Variants in LINGO2 observed in about 807,000 individuals in gnomAD.
The protein encoded by LINGO2 is leucine-rich repeat and immunoglobulin-like domain-containing nogo receptor-interacting protein 2.
LINGO2 carries 14 observed loss-of-function variants against 30.6 expected under a neutral mutation model. The observed-to-expected ratio is 0.46, with a 90% CI of 0.30 to 0.72. The LOEUF (loss-of-function observed/expected upper bound fraction) is 0.72. LINGO2 is among the 30% of genes least tolerant of loss of function. LINGO2 has a pLI of 0.07. For missense variants in LINGO2, 729 were observed against 751.7 expected (o/e 0.97, Z 0.35); for synonymous variants, 317 against 288.5 (o/e 1.10, Z -1.00).
At chr9:28,788,283 G>C in the LINGO2 span, among the ~76,000 whole-genome samples, 2 of 152,136 alleles carry the variant, frequency 1.3e-5, no homozygotes, top group East Asian at 3.9e-4. Context: ...ACACTACAGT[G>C]AACTGTGTCA....
chr9:28,756,275 C>A, the LINGO2 span, among the ~76,000 whole-genome samples: 68 of 152,034 alleles, frequency 4.5e-4, no homozygotes, highest in African/African-American at 1.5e-3. Flanking sequence ...TAGCATGGGG[C>A]CTGTAGTCCC....
the LINGO2 span, among the ~76,000 whole-genome samples, chr9:29,075,275 A>G: frequency 6.6e-6 from 1 of 152,178 alleles, no homozygotes; most frequent in Admixed American, 6.5e-5. Context: ...AAAAACTGCA[A>G]TTGTCCCCCT....
chr9:28,418,360 C>T (rs951785517), intron 2 of LINGO2, among the ~76,000 whole-genome samples: 2 of 148,766 alleles, frequency 1.3e-5, no homozygotes, highest in South Asian at 4.2e-4. Context: ...CTCACTGCAA[C>T]CTCTGTCTCC....
intron 1 of LINGO2, among the ~76,000 whole-genome samples, chr9:28,610,912 C>G (rs1825889536): frequency 6.6e-6 from 1 of 152,066 alleles, no homozygotes; most frequent in Non-Finnish European, 1.5e-5. Context: ...CCTTTGAAAT[C>G]TAAATTGTAT....
intron 3 of LINGO2, among the ~76,000 whole-genome samples, chr9:28,351,728 G>T (rs1449976335): frequency 6.6e-6 from 1 of 152,030 alleles, no homozygotes; most frequent in African/African-American, 2.4e-5. Context: ...TATCCTTGAT[G>T]AACATTGGTG....
the LINGO2 span, among the ~76,000 whole-genome samples, chr9:28,839,499 A>G: frequency 6.6e-6 from 1 of 152,114 alleles, no homozygotes; most frequent in Non-Finnish European, 1.5e-5. Context: ...AGAGGAGACC[A>G]GGAGTGGGTA....
the LINGO2 span, among the ~76,000 whole-genome samples, chr9:28,901,254 C>G: frequency 8.6e-5 from 13 of 151,912 alleles, 1 homozygote. Flanking sequence ...AAAGACTTTC[C>G]CAGACAAATA....
At chr9:28,687,720 A>T in the LINGO2 span, among the ~76,000 whole-genome samples, 1 of 152,126 alleles carries the variant, frequency 6.6e-6, no homozygotes, top group South Asian at 2.1e-4. Flanking sequence ...GCTCAATAAC[A>T]GTATGAAAAA....
intron 1 of LINGO2, among the ~76,000 whole-genome samples, chr9:28,495,243 G>C (rs1819561345): frequency 6.6e-6 from 1 of 152,078 alleles, no homozygotes; most frequent in Admixed American, 6.6e-5. Flanking sequence ...TGTCAATTTT[G>C]TCTTTTGTTG....
chr9:28,908,172 C>T, the LINGO2 span, among the ~76,000 whole-genome samples: 1 of 139,716 alleles, frequency 7.2e-6, no homozygotes, highest in Non-Finnish European at 1.6e-5. Flanking sequence ...CACACACACA[C>T]ATACAAAACT....
chr9:29,018,035 T>TATAG, the LINGO2 span, among the ~76,000 whole-genome samples: 60 of 142,766 alleles, frequency 4.2e-4, no homozygotes, highest in African/African-American at 1.4e-3. Flanking sequence ...TATATATATA[T>TATAG]AGAGAGAGAG....
At chr9:28,540,777 T>C (rs1821658578) in intron 1 of LINGO2, among the ~76,000 whole-genome samples, 1 of 152,192 alleles carries the variant, frequency 6.6e-6, no homozygotes, top group South Asian at 2.1e-4. Context: ...CTATAGAAGA[T>C]TAGATGTGTG....
At chr9:28,591,149 G>A (rs531811347) in intron 1 of LINGO2, among the ~76,000 whole-genome samples, 1 of 151,716 alleles carries the variant, frequency 6.6e-6, no homozygotes, top group Non-Finnish European at 1.5e-5. Flanking sequence ...CACACACTGG[G>A]GCCTGTTGTG....
At chr9:29,208,371 A>T in the LINGO2 span, among the ~76,000 whole-genome samples, 4 of 152,126 alleles carry the variant, frequency 2.6e-5, no homozygotes, top group Admixed American at 6.5e-5. Flanking sequence ...AAATGCCCAA[A>T]TGAACTTTTA....
intron 1 of LINGO2, among the ~76,000 whole-genome samples, chr9:28,635,638 C>CATAATTAT (rs1827223756): frequency 6.6e-6 from 1 of 151,770 alleles, no homozygotes; most frequent in African/African-American, 2.4e-5. Context: ...TAATTAATTA[C>CATAATTAT]TAAATAAGGT....
intron 2 of LINGO2, among the ~76,000 whole-genome samples, chr9:28,432,092 G>A (rs1040479106): frequency 1.3e-5 from 2 of 152,084 alleles, no homozygotes; most frequent in African/African-American, 4.8e-5. Context: ...CTCTATAAAA[G>A]CACTGTAGGG....
chr9:28,706,662 A>G, the LINGO2 span, among the ~76,000 whole-genome samples: 3 of 152,114 alleles, frequency 2.0e-5, no homozygotes, highest in South Asian at 6.2e-4. Flanking sequence ...TTCACATTGA[A>G]ATCTGTTGAA....
the LINGO2 span, among the ~76,000 whole-genome samples, chr9:28,937,535 G>GA: frequency 6.6e-5 from 10 of 152,276 alleles, no homozygotes; most frequent in African/African-American, 2.2e-4. Flanking sequence ...TTGATGCTCT[G>GA]CTTTCCAGTC....
chr9:28,052,701 C>G (rs1587774597), intron 4 of LINGO2, among the ~76,000 whole-genome samples: 3 of 152,032 alleles, frequency 2.0e-5, no homozygotes, highest in Admixed American at 2.0e-4. Flanking sequence ...TTAGGGTCTC[C>G]AAACTACAAA....
Sources: allele counts gnomAD v4.1 joint callset (sites outside exome capture counted in the v4.1 genomes callset), GRCh38; gene constraint gnomAD v4.1.1; transcripts MANE v1.5; gene names NCBI Gene and HGNC (gene_info 2026-07-23, HGNC 2026-07-21).